The following PXDN variants were observed in gnomAD, a reference collection of about 807,000 sequenced individuals.
PXDN encodes peroxidasin homolog.
A neutral mutation model predicts 140.3 loss-of-function variants in PXDN; 77 were observed. The ratio of observed to expected loss-of-function variants is 0.55; its 90% confidence interval spans 0.46 to 0.66. The LOEUF (loss-of-function observed/expected upper bound fraction) is 0.66. Among genes scored for constraint, PXDN ranks in the 30% least tolerant of loss-of-function variants. PXDN has a pLI of 0.00. For missense variants in PXDN, 1,838 were observed against 2,039.5 expected, an observed-to-expected ratio of 0.90 and a Z score of 1.90; for synonymous variants, 911 against 857.4, an observed-to-expected ratio of 1.06 and a Z score of -1.09.
rs75030254 is a variant in PXDN at position 1,719,836 on chromosome 2, G to T, written c.200+24420C>A. Reference sequence around the variant, plus strand: ...CAGGATGTGTGTACATGCGTGCATTGTGTGTGTGTGTGTGTGTGTGTGTGT... The same window carrying T: ...CAGGATGTGTGTACATGCGTGCATTTTGTGTGTGTGTGTGTGTGTGTGTGT... On this transcript the variant is annotated intron_variant, in intron 1 of 22. Transcript: ENST00000252804. Among the ~76,000 whole-genome samples, 236 of 32,272 alleles carry T rather than the reference G, an allele frequency of 7.3e-3. 2 individuals carry two copies. Among genetic ancestry groups the T allele is most frequent in the Non-Finnish European group, 0.02 (162 of 8,198 alleles). 21.2% of individuals were successfully genotyped at this position (32,272 alleles called of 152,430 possible).
intron 12 of PXDN, among the ~76,000 whole-genome samples, chr2:1,663,356 T>A (rs1161381151): frequency 1.3e-5 from 2 of 152,120 alleles, no homozygotes; most frequent in Non-Finnish European, 2.9e-5. Flanking sequence ...AACAAGTCAC[T>A]CTTATCCAAG....
At chr2:1,686,101 G>T (rs958965683) in intron 4 of PXDN, among the ~76,000 whole-genome samples, 13 of 152,294 alleles carry the variant, frequency 8.5e-5, no homozygotes, top group Admixed American at 2.0e-4. Context: ...CGGGGAAGGG[G>T]TGCAGTTCGC....
chr2:1,703,178 GC>G (rs1322284576), intron 1 of PXDN, among the ~76,000 whole-genome samples: 2 of 46,656 alleles, frequency 4.3e-5, no homozygotes, highest in Non-Finnish European at 7.8e-5. Flanking sequence ...TCCAGGTGAA[GC>G]GGGGGACAAC....
chr2:1,640,733 A>T (rs1682705740), intron 19 of PXDN, among the ~76,000 whole-genome samples: 1 of 152,190 alleles, frequency 6.6e-6, no homozygotes, highest in African/African-American at 2.4e-5. Flanking sequence ...AGCCCCTCCC[A>T]GCAACACCTG....
chr2:1,658,083 T>TCTCCCTCCCCCTCTCTCTCCCTCCCC lies in PXDN; in HGVS notation c.1837+2797_1837+2798insGGGGAGGGAGAGAGAGGGGGAGGGAG, dbSNP rs1553359699. Among the ~76,000 whole-genome samples the TCTCCCTCCCCCTCTCTCTCCCTCCCC allele has an allele frequency of 5.1e-5, 4 of 77,750 alleles. 1 individual carries two copies. Among genetic ancestry groups the TCTCCCTCCCCCTCTCTCTCCCTCCCC allele is most frequent in the African/African-American group, 2.3e-4 (4 of 17,574 alleles). 51.0% of individuals were successfully genotyped at this position (77,750 alleles called of 152,430 possible). On this transcript the variant is annotated intron_variant, in intron 14 of 22. Transcript: ENST00000252804. ...CTCTCTCTCTCTCTCTCTCTCTCTC[T>TCTCCCTCCCCCTCTCTCTCCCTCCCC]CTCTCTCTCTGTTACAGTGTCTGCG...
At chr2:1,724,667 A>ATC (rs1685135551) in intron 1 of PXDN, among the ~76,000 whole-genome samples, 1 of 152,142 alleles carries the variant, frequency 6.6e-6, no homozygotes, top group South Asian at 2.1e-4. Flanking sequence ...TTAGTTGATC[A>ATC]TCTATGCCTG....
chr2:1,684,198 T>C, intron 4 of PXDN, 47 bp from the exon 5 acceptor site: 1 of 1,511,864 alleles, frequency 6.6e-7, no homozygotes, highest in South Asian at 1.2e-5. Context: ...ATTTATTTTC[T>C]TAGATCCAGA....
At chr2:1,739,581 AG>A (rs1212370573) in intron 1 of PXDN, among the ~76,000 whole-genome samples, 3 of 152,206 alleles carry the variant, frequency 2.0e-5, no homozygotes, top group Admixed American at 2.0e-4. Context: ...GTCACATACT[AG>A]TTTTCAAAGG....
chr2:1,708,339 C>G (rs991764076), intron 1 of PXDN, among the ~76,000 whole-genome samples: 9 of 152,218 alleles, frequency 5.9e-5, no homozygotes, highest in Non-Finnish European at 1.3e-4. Flanking sequence ...CTTTCATGTT[C>G]CAGCAGCTCC....
At chr2:1,691,076 G>A (rs1684174081) in intron 3 of PXDN, among the ~76,000 whole-genome samples, 1 of 152,108 alleles carries the variant, frequency 6.6e-6, no homozygotes, top group South Asian at 2.1e-4. Flanking sequence ...TGCACGTTCT[G>A]CACAGGTATC....
At position 1,714,568 on chromosome 2, in the gene PXDN, A is replaced by G. The variant is rs1684854233; in HGVS notation, c.201-21434T>C. On this transcript the variant is annotated intron_variant, in intron 1 of 22. Coordinates refer to ENST00000252804, the MANE Select transcript of PXDN (RefSeq NM_012293.3). This position sits in a 1 kb window ranked among gnomAD's most constrained non-coding sequence, Gnocchi z 4.3. ...GCATTCCCTGAAAGGCCAGGTGGGG[A>G]CATCTTTGCTTGAGGTGCAGATCCT... Among the ~76,000 whole-genome samples, 1 of 152,100 alleles carries G rather than the reference A, an allele frequency of 6.6e-6. No individual in the cohort carries two copies. Among genetic ancestry groups the G allele is most frequent in the South Asian group, 2.1e-4 (1 of 4,828 alleles).
Position 1,673,691 on chromosome 2 carries a change from C to A in PXDN, c.970G>T (p.Gly324Ter), listed in dbSNP as rs779177065. ...GTCACCTCTTGCGTCTTCACCTCTC[C>A]GGCCACGTTCTTTGCCATGCACTGG... ...IYQCMAKNVA[G>*]EVKTQEVTLR... is the part of the protein sequence containing the mutation. Residue 324 changes from glycine to a stop codon, truncating the protein, a stop_gained, in exon 9 of 23, where the codon GGA (glycine) becomes TGA (stop). Transcript: ENST00000252804. LOFTEE classifies it high-confidence loss of function. The A allele has an allele frequency of 6.2e-7, 1 of 1,613,954 alleles. No individual in the cohort carries two copies. The highest frequency in any genetic ancestry group is 8.5e-7 in the Non-Finnish European group (1 of 1,179,860).
intron 6 of PXDN, among the ~76,000 whole-genome samples, chr2:1,681,184 AG>A (rs1300360418): frequency 3.3e-5 from 5 of 151,960 alleles, no homozygotes; most frequent in African/African-American, 1.2e-4. Flanking sequence ...GAGCCCACAG[AG>A]GTTTGTGCCA....
intron 1 of PXDN, among the ~76,000 whole-genome samples, chr2:1,715,832 G>T (rs912775774): frequency 6.6e-6 from 1 of 152,174 alleles, no homozygotes; most frequent in Non-Finnish European, 1.5e-5. Flanking sequence ...TAAGGTACTT[G>T]CCCGGGAAAA....
At chr2:1,704,788 T>C (rs1350629216) in intron 1 of PXDN, among the ~76,000 whole-genome samples, 1 of 152,138 alleles carries the variant, frequency 6.6e-6, no homozygotes, top group Admixed American at 6.5e-5. Context: ...CATGTCTCGG[T>C]GAGCAGAGGG....
chr2:1,736,321 A>G (rs922684148), intron 1 of PXDN, among the ~76,000 whole-genome samples: 56 of 152,314 alleles, frequency 3.7e-4, no homozygotes, highest in African/African-American at 1.3e-3. Flanking sequence ...TTTCACTAGT[A>G]CACTGAAAGG....
chr2:1,654,364 G>A, intron 15 of PXDN, 36 bp downstream of exon 15: 1 of 1,460,826 alleles, frequency 6.8e-7, no homozygotes, highest in Non-Finnish European at 9.6e-7. Flanking sequence ...AAAGCTCAGT[G>A]ATTTGAGGGT....
chr2:1,718,786 G>C (rs1235819098), intron 1 of PXDN, among the ~76,000 whole-genome samples: 1 of 152,248 alleles, frequency 6.6e-6, no homozygotes, highest in African/African-American at 2.4e-5. Flanking sequence ...CAGTCCTCTG[G>C]TTGAGCCTGG....
rs1683290353 is a variant in PXDN, at chr2:1,660,945, G to C, written c.1773C>G (p.Arg591=). 6.2e-7 allele frequency: 1 copy of C among 1,614,002 alleles called. No individual in the cohort carries two copies. The highest frequency in any genetic ancestry group is 2.2e-5 in the East Asian group (1 of 44,874). ...TGGTGTTCCGGGCCACACACTCATA[G>C]CGACCTGCGTCTGCAGGGCCAACGT... The part of the protein sequence containing the change: ...INDVGPADAG[R]YECVARNTIG... The change falls in exon 14 of 23, where the codon CGC becomes CGG. Residue 591 remains arginine, a synonymous_variant. Coordinates refer to ENST00000252804, the MANE Select transcript of PXDN (RefSeq NM_012293.3). This position sits in a 1 kb window ranked among gnomAD's most constrained non-coding sequence, Gnocchi z 4.6.
Sources: allele counts gnomAD v4.1 joint callset (sites outside exome capture counted in the v4.1 genomes callset), GRCh38; gene constraint gnomAD v4.1.1; non-coding constraint Gnocchi (gnomAD v3.1); transcripts MANE v1.5; gene names NCBI Gene and HGNC (gene_info 2026-07-23, HGNC 2026-07-21).